Variants in BMP4 observed in about 807,000 individuals in gnomAD.
BMP4 encodes the protein bone morphogenetic protein 4.
BMP4 carries 3 observed loss-of-function variants against 29.6 expected under a neutral mutation model. The ratio of observed to expected loss-of-function variants is 0.10; its 90% confidence interval spans 0.05 to 0.26. BMP4 has a LOEUF of 0.26. Among genes scored for constraint, BMP4 ranks in the 10% least tolerant of loss-of-function variants. The probability of loss-of-function intolerance (pLI) is 1.00; values close to 1 mark genes in which losing one functional copy is unlikely to be tolerated. For synonymous variants in BMP4, 197 were observed against 213.2 expected (o/e 0.92, Z 0.66); for missense variants, 455 against 550.2 (o/e 0.83, Z 1.73).
intron 2 of BMP4, 101 bp from the exon 3 acceptor site, chr14:53,952,330 G>A: frequency 7.2e-7 from 1 of 1,398,230 alleles, no homozygotes; most frequent in Non-Finnish European, 9.7e-7. Context: ...GCTAGAAATG[G>A]AGGGGCAAGA....
At position 53,956,651 on chromosome 14, in the gene BMP4, C is replaced by T. The variant is rs942744536; in HGVS notation, c.-234G>A. The T allele has an allele frequency of 1.0e-4, 41 of 399,230 alleles. No individual in the cohort carries two copies. The highest frequency in any genetic ancestry group is 1.5e-4 in the Non-Finnish European group (34 of 226,234). The allele number at this position is 399,230 out of a possible 1,614,324, so 24.7% of individuals were successfully genotyped here. A position where few individuals can be genotyped will look rare whatever the true frequency, so the allele number is the denominator to read the frequency against. ...GGGCCGGGGACTGTGGCGCTGCAGG[C>T]TCGAGATAGCTTGGACGGGAATCCC... On this transcript the variant is annotated 5_prime_UTR_variant, in exon 1 of 4. Transcript: ENST00000245451.
intron 2 of BMP4, among the ~76,000 whole-genome samples, chr14:53,952,521 T>C (rs942335673): frequency 6.6e-6 from 1 of 152,062 alleles, no homozygotes; most frequent in Non-Finnish European, 1.5e-5. Flanking sequence ...TTTTTTGTCC[T>C]AACTGCTATC....
At chr14:53,953,738 C>T (rs908038298) in intron 1 of BMP4, among the ~76,000 whole-genome samples, 1 of 152,112 alleles carries the variant, frequency 6.6e-6, no homozygotes, top group Non-Finnish European at 1.5e-5. Context: ...TCGTGCTGGG[C>T]CCCCGCGCCG....
At chr14:53,953,639 G>T (rs939212381) in intron 1 of BMP4, among the ~76,000 whole-genome samples, 2 of 151,656 alleles carry the variant, frequency 1.3e-5, no homozygotes, top group African/African-American at 4.8e-5. Flanking sequence ...GGCGGCGCTC[G>T]GCAGAGCCCT....
At position 53,950,681 on chromosome 14, in the gene BMP4, C is replaced by A. The variant is rs147822607; in HGVS notation, c.578G>T (p.Gly193Val). 2.5e-6 allele frequency: 4 copies of A among 1,614,246 alleles called. No individual in the cohort carries two copies. Among genetic ancestry groups the A allele is most frequent in the Non-Finnish European group, 3.4e-6 (4 of 1,180,048 alleles). ...VMKPPAEVVP[G>V]HLITRLLDTR... ...GTCCAGTAGTCGTGTGATGAGGTGC[C>A]CAGGCACCACTTCTGCTGGGGGCTT... is the stretch of plus-strand genomic sequence containing the variant. The change falls in exon 4 of 4, where the codon GGG becomes GTG. Residue 193 changes from glycine to valine, a missense_variant. By Grantham distance (109) the Gly-to-Val change is moderately radical. Transcript: ENST00000245451. This position sits in a 1 kb window ranked among gnomAD's most constrained non-coding sequence, Gnocchi z 5.4.
intron 1 of BMP4, among the ~76,000 whole-genome samples, chr14:53,953,841 A>G (rs1439221225): frequency 6.6e-6 from 1 of 150,994 alleles, no homozygotes; most frequent in African/African-American, 2.4e-5. Context: ...CGAGGTCGGG[A>G]AAGTCTCACC....
At position 53,949,890 on chromosome 14, in the gene BMP4, T is replaced by A. The variant is rs1566578003; in HGVS notation, c.*142A>T. ...ATGTTTAGGGATTTTTTCCTTTTTT[T>A]TTTTTTTTTTTAAATAAAAGTCCAG... On this transcript the variant is annotated 3_prime_UTR_variant, in exon 4 of 4. Coordinates refer to ENST00000245451, the MANE Select transcript of BMP4 (RefSeq NM_001202.6). The A allele has an allele frequency of 1.7e-5, 16 of 923,140 alleles. No homozygotes were observed. The highest frequency in any genetic ancestry group is 2.5e-5 in the Non-Finnish European group (16 of 641,836). The allele number at this position is 923,140 out of a possible 1,614,324, so 57.2% of individuals were successfully genotyped here. A position where few individuals can be genotyped will look rare whatever the true frequency, so the allele number is the denominator to read the frequency against.
chr14:53,953,647 C>A (rs778516655), intron 1 of BMP4, among the ~76,000 whole-genome samples: 4 of 151,796 alleles, frequency 2.6e-5, no homozygotes, highest in Non-Finnish European at 4.4e-5. Context: ...TCGGCAGAGC[C>A]CTCGGCCGGT....
rs1274761010 is a variant in BMP4, at chr14:53,950,876, T to C, written c.383A>G (p.Asn128Ser). 6 of 1,602,650 alleles carry C rather than the reference T, an allele frequency of 3.7e-6. No homozygotes were observed. In the African/African-American group the frequency reaches 5.3e-5, roughly 14 times the overall value. Residue 128 changes from asparagine (N) to serine (S), a missense_variant, in exon 4 of 4, where the codon AAC becomes AGC. By Grantham distance (46) the Asn-to-Ser change is conservative. Around this residue, in one of 4 missense-constraint regions of BMP4, gnomAD observed 249 missense variants for 284.6 expected, o/e 0.87. Transcript: ENST00000245451. The surrounding 1 kb of genome is among the most constrained non-coding windows in gnomAD (Gnocchi z 5.4). ...AGAGTTTTCACTGGTCCCTGGGATG[T>C]TCTCCAGATGTTCTAGGCACAGTTA... ...RSFHHEEHLE[N>S]IPGTSENSAF...
At position 53,950,453 on chromosome 14, in the gene BMP4, C is replaced by A; in HGVS notation, c.806G>T (p.Arg269Leu). 1 of 1,613,928 alleles carries A rather than the reference C, an allele frequency of 6.2e-7. No homozygotes were observed. Among genetic ancestry groups the A allele is most frequent in the Non-Finnish European group, 8.5e-7 (1 of 1,180,046 alleles). ...PQGSGNWAQL[R>L]PLLVTFGHDG... Reference sequence around the variant, plus strand: ...ATGGCCAAAGGTGACCAGGAGGGGCCGGAGCTGGGCCCAATTCCCACTCCC... The same window carrying A: ...ATGGCCAAAGGTGACCAGGAGGGGCAGGAGCTGGGCCCAATTCCCACTCCC... The change falls in exon 4 of 4, where the codon CGG (arginine) becomes CTG (leucine). Residue 269 changes from arginine to leucine, a missense_variant. Physicochemically the swap from Arg to Leu is moderately radical, Grantham distance 102 (BLOSUM62 -2). Around this residue, in one of 4 missense-constraint regions of BMP4, gnomAD observed 154 missense variants for 156.8 expected, o/e 0.98. Transcript: ENST00000245451. The surrounding 1 kb of genome is among the most constrained non-coding windows in gnomAD (Gnocchi z 5.4).
In BMP4 at chr14:53,950,703, G is replaced by A. The variant is rs1452882837; in HGVS notation, c.556C>T (p.Pro186Ser). The A allele has an allele frequency of 1.9e-6, 3 of 1,614,210 alleles. No individual in the cohort carries two copies. The highest frequency in any genetic ancestry group is 2.5e-6 in the Non-Finnish European group (3 of 1,180,042). ...TGCCCAGGCACCACTTCTGCTGGGG[G>A]CTTCATAACCTCATAAATGTTTATA... Reference protein sequence around the residue: ...HRINIYEVMKPPAEVVPGHLI... With the variant: ...HRINIYEVMKSPAEVVPGHLI... The change falls in exon 4 of 4, where the codon CCC becomes TCC. Residue 186 changes from proline (P) to serine (S), a missense_variant. Transcript: ENST00000245451. The surrounding 1 kb of genome is among the most constrained non-coding windows in gnomAD (Gnocchi z 5.4).
intron 1 of BMP4, among the ~76,000 whole-genome samples, 164 bp downstream of exon 1, chr14:53,956,386 T>C (rs1895719407): frequency 6.6e-6 from 1 of 152,148 alleles, no homozygotes; most frequent in South Asian, 2.1e-4. Flanking sequence ...CAGTAGCCGA[T>C]ATTTAAAGGT....
At position 53,949,865 on chromosome 14, in the gene BMP4, A is replaced by C; in HGVS notation, c.*167T>G. The C allele has an allele frequency of 1.4e-6, 1 of 711,472 alleles. No individual in the cohort carries two copies. The highest frequency in any genetic ancestry group is 2.2e-6 in the Non-Finnish European group (1 of 449,444). 44.1% of individuals were successfully genotyped at this position (711,472 alleles called of 1,614,324 possible). A position where few individuals can be genotyped will look rare whatever the true frequency, so the allele number is the denominator to read the frequency against. On this transcript the variant is annotated 3_prime_UTR_variant, in exon 4 of 4. Transcript: ENST00000245451. ...AAAGTCATAAATAAGGTCAAGGTGA[A>C]TGTTTAGGGATTTTTTCCTTTTTTT...
Position 53,955,783 on chromosome 14 carries a change from C to G in BMP4, c.-133+767G>C, listed in dbSNP as rs557073962. The G allele has an allele frequency of 6.6e-6, 1 of 152,180 alleles. No homozygotes were observed. Among genetic ancestry groups the G allele is most frequent in the Admixed American group, 6.5e-5 (1 of 15,288 alleles). The allele number at this position is 152,180 out of a possible 1,614,324, so 9.4% of individuals were successfully genotyped here. A position where few individuals can be genotyped will look rare whatever the true frequency, so the allele number is the denominator to read the frequency against. On this transcript the variant is annotated intron_variant, in intron 1 of 3. Transcript: ENST00000245451. The surrounding 1 kb of genome is among the most constrained non-coding windows in gnomAD (Gnocchi z 4.0). ...TCCGGGCCTGGAGGGCCAGGAAGAG[C>G]CGCGCGTCCGCCTTTCGTCCCGCCA...
chr14:53,953,688 T>A (rs1298533204), intron 1 of BMP4, among the ~76,000 whole-genome samples: 1 of 151,926 alleles, frequency 6.6e-6, no homozygotes, highest in Non-Finnish European at 1.5e-5. Context: ...CCAGGGCTAC[T>A]GGCGCAGCGC....
At chr14:53,951,285 G>A (rs1895395147) in intron 3 of BMP4, 2 of 263,904 alleles carry the variant, frequency 7.6e-6, no homozygotes, top group South Asian at 9.5e-5. Context: ...CAGGCAGGAG[G>A]AAACATGCAG....
At chr14:53,952,920 T>C (rs1415630204) in intron 2 of BMP4, among the ~76,000 whole-genome samples, 6 of 151,518 alleles carry the variant, frequency 4.0e-5, no homozygotes, top group African/African-American at 1.5e-4. Context: ...CCTCTGTGAG[T>C]TTTGACAAGA....
At chr14:53,951,204 C>T (rs759886549) in intron 3 of BMP4, among the ~76,000 whole-genome samples, 10 of 152,122 alleles carry the variant, frequency 6.6e-5, no homozygotes, top group Non-Finnish European at 1.5e-4. Context: ...CTTTTAAACC[C>T]CCCACCTTGG....
chr14:53,954,110 G>C lies in BMP4; in HGVS notation c.-132-710C>G, dbSNP rs1273835055. Among the ~76,000 whole-genome samples the C allele has an allele frequency of 2.0e-5, 3 of 152,178 alleles. No individual in the cohort carries two copies. The highest frequency in any genetic ancestry group is 1.9e-4 in the East Asian group (1 of 5,172). The stretch of plus-strand genomic sequence containing the variant: ...GAAAGCAGCCGACCTTGTCACGCGC[G>C]GGGCCGGGAATGGGAGGGAGGGTGT... On this transcript the variant is annotated intron_variant, in intron 1 of 3. Transcript: ENST00000245451. The surrounding 1 kb of genome is among the most constrained non-coding windows in gnomAD (Gnocchi z 4.8).
Sources: allele counts gnomAD v4.1 joint callset (sites outside exome capture counted in the v4.1 genomes callset), GRCh38; gene constraint gnomAD v4.1.1; regional missense constraint gnomAD v4.1.1; non-coding constraint Gnocchi (gnomAD v3.1); transcripts MANE v1.5; gene names NCBI Gene and HGNC (gene_info 2026-07-23, HGNC 2026-07-21).